SLC6A9: variants seen among roughly 807,000 people sequenced by gnomAD.
SLC6A9 encodes sodium- and chloride-dependent glycine transporter 1.
SLC6A9 carries 31 observed loss-of-function variants against 70.9 expected under a neutral mutation model. The observed-to-expected ratio is 0.44, with a 90% confidence interval of 0.33 to 0.59. The LOEUF (loss-of-function observed/expected upper bound fraction) is 0.59. Among genes scored for constraint, SLC6A9 ranks in the 20% least tolerant of loss-of-function variants. SLC6A9 has a pLI of 0.04. For synonymous variants in SLC6A9, 310 were observed against 341.3 expected (o/e 0.91, Z 1.01); for missense variants, 631 against 845.2 (o/e 0.75, Z 3.14).
At chr1:44,005,853 G>A (rs1335055464) in intron 5 of SLC6A9, among the ~76,000 whole-genome samples, 2 of 152,240 alleles carry the variant, frequency 1.3e-5, no homozygotes, top group Non-Finnish European at 2.9e-5. Flanking sequence ...GAGCCGTGCT[G>A]CCGGGAAGGT....
intron 2 of SLC6A9, chr1:44,017,420 G>C: frequency 3.5e-6 from 4 of 1,150,954 alleles, no homozygotes; most frequent in Non-Finnish European, 4.4e-6. Context: ...GACTGGGGCA[G>C]AGCAGGCGAG....
chr1:44,007,585 A>T (rs2086364049), intron 5 of SLC6A9, among the ~76,000 whole-genome samples: 1 of 151,642 alleles, frequency 6.6e-6, no homozygotes, highest in Admixed American at 6.5e-5. Context: ...TTTGTTCTGC[A>T]TCATCAAGTC....
In SLC6A9 at chr1:44,018,597, A is replaced by AAATAAT. The variant is rs143546820; in HGVS notation, c.30+5645_30+5650dup. On this transcript the variant is annotated intron_variant, in intron 2 of 13. Transcript: ENST00000372310. The surrounding 1 kb of genome is among the most constrained non-coding windows in gnomAD (Gnocchi z 4.2). ...CAGCAAGAGCAAAACTCTCTCTCTA[A>AAATAAT]AATAATAATAATAATAATAATAATA... is the stretch of plus-strand genomic sequence containing the variant. Among the ~76,000 whole-genome samples the AAATAAT allele has an allele frequency of 0.039, 5,552 of 142,222 alleles. 352 individuals carry two copies. Among genetic ancestry groups the AAATAAT allele is most frequent in the African/African-American group, 0.13 (5,018 of 38,144 alleles). The allele number at this position is 142,222 out of a possible 152,430, so 93.3% of individuals were successfully genotyped here.
chr1:43,997,368 AT>A lies in SLC6A9; in HGVS notation c.*176del. ...GCTGCTATCTTGGCATCCAAAGGAC[AT>A]GTAAACACTGGGGACATGAGCATGA... On this transcript the variant is annotated 3_prime_UTR_variant, in exon 14 of 14. Transcript: ENST00000372310. The surrounding 1 kb of genome is among the most constrained non-coding windows in gnomAD (Gnocchi z 4.4). The A allele has an allele frequency of 1.6e-6, 1 of 618,704 alleles. No individual in the cohort carries two copies. The highest frequency in any genetic ancestry group is 2.8e-6 in the Non-Finnish European group (1 of 352,332). The allele number at this position is 618,704 out of a possible 1,614,324, so 38.3% of individuals were successfully genotyped here.
chr1:44,022,826 C>T (rs995807755), intron 2 of SLC6A9, among the ~76,000 whole-genome samples: 24 of 150,202 alleles, frequency 1.6e-4, no homozygotes, highest in South Asian at 2.1e-4. Context: ...GTGCCACAGC[C>T]TCCCAAGTAG....
At chr1:44,010,354 A>T (rs1442508575) in intron 3 of SLC6A9, 3 of 471,016 alleles carry the variant, frequency 6.4e-6, no homozygotes, top group African/African-American at 5.9e-5. Flanking sequence ...TGATGGTTTA[A>T]ACAAGCGATT....
rs1020233905 is a variant in SLC6A9, at chr1:44,013,675, T to C, written c.31-2793A>G. On this transcript the variant is annotated intron_variant, in intron 2 of 13. Transcript: ENST00000372310. The surrounding 1 kb of genome is among the most constrained non-coding windows in gnomAD (Gnocchi z 5.3). Reference sequence around the variant, plus strand: ...GCCTCTGTCTTCAACTCCAGGGCTGTCTACGCTCAGGTGGCTTGGCTGGGG... The same window carrying C: ...GCCTCTGTCTTCAACTCCAGGGCTGCCTACGCTCAGGTGGCTTGGCTGGGG... 6.6e-6 allele frequency among the ~76,000 whole-genome samples: 1 copy of C among 152,112 alleles called. No individual in the cohort carries two copies. Among genetic ancestry groups the C allele is most frequent in the Non-Finnish European group, 1.5e-5 (1 of 68,006 alleles).
Position 43,997,869 on chromosome 1 carries a change from C to T in SLC6A9, c.1693G>A (p.Asp565Asn), listed in dbSNP as rs755899633. The change falls in exon 13 of 14, where the codon GAC becomes AAC. Residue 565 changes from aspartate (D) to asparagine (N), a missense_variant. Physicochemically the swap from Asp to Asn is conservative, Grantham distance 23. Coordinates refer to ENST00000372310, the MANE Select transcript of SLC6A9 (RefSeq NM_001024845.3). This position sits in a 1 kb window ranked among gnomAD's most constrained non-coding sequence, Gnocchi z 4.4. ...CCTGCCCTCACCTGGAGGAGGGTGTCCCCGTCTGTGCGGCAGAGCCGGAAC... is the reference window on the plus strand; with the variant it reads ...CCTGCCCTCACCTGGAGGAGGGTGTTCCCGTCTGTGCGGCAGAGCCGGAAC... The part of the protein sequence containing the change: ...AMFRLCRTDG[D>N]TLLQRLKNAT... 1.2e-6 allele frequency: 2 copies of T among 1,611,048 alleles called. No individual in the cohort carries two copies. Among genetic ancestry groups the T allele is most frequent in the Non-Finnish European group, 1.7e-6 (2 of 1,178,100 alleles).
intron 5 of SLC6A9, among the ~76,000 whole-genome samples, chr1:44,003,440 G>A (rs748608506): frequency 2.0e-5 from 3 of 152,224 alleles, no homozygotes; most frequent in Admixed American, 6.5e-5. Context: ...ATAAATTGAG[G>A]GAAGCAGTGG....
intron 1 of SLC6A9, among the ~76,000 whole-genome samples, chr1:44,027,008 G>T (rs919520939): frequency 6.6e-6 from 1 of 152,202 alleles, no homozygotes. Context: ...AATGAGCTGG[G>T]TGTAAAGCTT....
Position 44,000,849 on chromosome 1 carries a change from T to TGATGCTG in SLC6A9, c.1453_1454insCAGCATC (p.Gln485ProfsTer120). The TGATGCTG allele has an allele frequency of 3.7e-6, 6 of 1,610,320 alleles. No homozygotes were observed. Among genetic ancestry groups the TGATGCTG allele is most frequent in the Non-Finnish European group, 5.1e-6 (6 of 1,178,248 alleles). On this transcript the variant is annotated frameshift_variant, in exon 12 of 14. Transcript: ENST00000372310. LOFTEE classifies it high-confidence loss of function. Reference sequence around the variant, plus strand: ...GAATCCCAGCATCATCTGGATGTCCTGGAAGTAGTTCCGGTGCCCTGGAGA... The same window carrying TGATGCTG: ...GAATCCCAGCATCATCTGGATGTCCTGATGCTGGGAAGTAGTTCCGGTGCCCTGGAGA...
chr1:44,021,109 C>T (rs757890469), intron 2 of SLC6A9, among the ~76,000 whole-genome samples: 11 of 152,176 alleles, frequency 7.2e-5, no homozygotes, highest in Non-Finnish European at 1.3e-4. Context: ...TGGGGGCTCT[C>T]TTGCCTCCTG....
At chr1:44,001,736 T>A in intron 8 of SLC6A9, 109 bp from the exon 9 acceptor site, 1 of 786,342 alleles carries the variant, frequency 1.3e-6, no homozygotes, top group East Asian at 2.4e-5. Context: ...ACTCTTTTTT[T>A]TTGGAGTGGG....
intron 2 of SLC6A9, among the ~76,000 whole-genome samples, chr1:44,022,847 A>G (rs1396593677): frequency 6.6e-6 from 1 of 151,170 alleles, no homozygotes; most frequent in African/African-American, 2.4e-5. Flanking sequence ...CTGGGATTAC[A>G]GGTGCGCACC....
chr1:43,997,630 T>G lies in SLC6A9; in HGVS notation c.1817A>C (p.Glu606Ala). 6.2e-7 allele frequency: 1 copy of G among 1,613,910 alleles called. No homozygotes were observed. Among genetic ancestry groups the G allele is most frequent in the Non-Finnish European group, 8.5e-7 (1 of 1,179,968 alleles). ...TIAPSPEDGF[E>A]VQPLHPDKAQ... ...CTTGTCCGGGTGCAGTGGCTGGACC[T>G]CGAAGCCGTCCTCAGGAGAGGGGGC... Residue 606 changes from glutamate (E) to alanine (A), a missense_variant, in exon 14 of 14, where the codon GAG (glutamate) becomes GCG (alanine). Glu to Ala is a moderately radical substitution (Grantham distance 107). Coordinates refer to ENST00000372310, the MANE Select transcript of SLC6A9 (RefSeq NM_001024845.3). This position sits in a 1 kb window ranked among gnomAD's most constrained non-coding sequence, Gnocchi z 4.4.
chr1:44,001,569 T>C lies in SLC6A9; in HGVS notation c.1021A>G (p.Ile341Val), dbSNP rs199909193. Reference protein sequence around the residue: ...CATSVYAGFVIFSILGFMANH... With the variant: ...CATSVYAGFVVFSILGFMANH... Reference sequence around the variant, plus strand: ...GCCATGAAGCCGAGGATGGAGAAGATGACGAAGCCAGCATAGACGCTGGTG... The same window carrying C: ...GCCATGAAGCCGAGGATGGAGAAGACGACGAAGCCAGCATAGACGCTGGTG... The change falls in exon 9 of 14, where the codon ATC (isoleucine) becomes GTC (valine). Residue 341 changes from isoleucine (I) to valine (V), a missense_variant. Physicochemically the swap from Ile to Val is conservative, Grantham distance 29. Transcript: ENST00000372310. 2.5e-6 allele frequency: 4 copies of C among 1,614,092 alleles called. No individual in the cohort carries two copies. Among genetic ancestry groups the C allele is most frequent in the South Asian group, 1.1e-5 (1 of 91,088 alleles).
chr1:44,007,897 T>C (rs1255017667), intron 5 of SLC6A9, among the ~76,000 whole-genome samples: 3 of 151,128 alleles, frequency 2.0e-5, no homozygotes, highest in South Asian at 2.1e-4. Flanking sequence ...TCTTTCTTTT[T>C]TTTTTTTTTT....
rs374027681 is a variant in SLC6A9 at position 44,023,772 on chromosome 1, A to G, written c.30+476T>C. 2.0e-5 allele frequency among the ~76,000 whole-genome samples: 3 copies of G among 152,288 alleles called. No homozygotes were observed. In the East Asian group the frequency reaches 5.8e-4, roughly 29 times the overall value. ...TGCTCTAAGGCTGAGGGCAAAGAAG[A>G]GCCAGGACTTGGGGAAAGGGTGGAG... On this transcript the variant is annotated intron_variant, in intron 2 of 13. Transcript: ENST00000372310.
rs2086811878 is a variant in SLC6A9 at position 44,018,281 on chromosome 1, C to T, written c.30+5967G>A. ...AGGGAACATAAGGAGTTTTGTCAAG[C>T]ACAGGATGACATTAAAAATTTAAAA... is the stretch of plus-strand genomic sequence containing the variant. On this transcript the variant is annotated intron_variant, in intron 2 of 13. Coordinates refer to ENST00000372310, the MANE Select transcript of SLC6A9 (RefSeq NM_001024845.3). This position sits in a 1 kb window ranked among gnomAD's most constrained non-coding sequence, Gnocchi z 4.2. Among the ~76,000 whole-genome samples, 2 of 152,096 alleles carry T rather than the reference C, an allele frequency of 1.3e-5. No individual in the cohort carries two copies. Among genetic ancestry groups the T allele is most frequent in the Admixed American group, 6.5e-5 (1 of 15,270 alleles).
Sources: allele counts gnomAD v4.1 joint callset (sites outside exome capture counted in the v4.1 genomes callset), GRCh38; gene constraint gnomAD v4.1.1; non-coding constraint Gnocchi (gnomAD v3.1); transcripts MANE v1.5; gene names NCBI Gene and HGNC (gene_info 2026-07-23, HGNC 2026-07-21).